Variants in DENND10 observed in about 807,000 individuals in gnomAD.
DENND10 encodes DENN domain-containing protein 10.
In DENND10, 24 loss-of-function variants were observed where a neutral mutation model predicts 43.6. The ratio of observed to expected loss-of-function variants is 0.55; its 90% confidence interval spans 0.40 to 0.77. The LOEUF is 0.77. Ranked by LOEUF, DENND10 falls within the 30% of genes least tolerant of loss-of-function variation. The probability of loss-of-function intolerance (pLI) is 0.00; values close to 1 mark genes in which losing one functional copy is unlikely to be tolerated. For synonymous variants in DENND10, 125 were observed against 157.6 expected, an observed-to-expected ratio of 0.79 and a Z score of 1.55; for missense variants, 303 against 429.9, an observed-to-expected ratio of 0.70 and a Z score of 2.61.
At position 119,117,544 on chromosome 10, in the gene DENND10, G is replaced by C. The variant is rs777784734; in HGVS notation, c.358G>C (p.Val120Leu). The C allele has an allele frequency of 6.2e-7, 1 of 1,611,260 alleles. No homozygotes were observed. The highest frequency in any genetic ancestry group is 1.7e-5 in the Admixed American group (1 of 59,740). ...AATGTACCTGAAACATGGGAGCCCAGTTAAAATGATGGAGAGTTATATTGC... is the reference window on the plus strand; with the variant it reads ...AATGTACCTGAAACATGGGAGCCCACTTAAAATGATGGAGAGTTATATTGC... ...CRMYLKHGSP[V>L]KMMESYIAVL... is the part of the protein sequence containing the mutation. Residue 120 changes from valine to leucine, a missense_variant, in exon 4 of 9, where the codon GTT (valine) becomes CTT (leucine). Coordinates refer to ENST00000361432, the MANE Select transcript of DENND10 (RefSeq NM_207009.4).
At chr10:119,123,443 C>G in intron 5 of DENND10, 26 bp from the exon 6 acceptor site, 2 of 1,575,442 alleles carry the variant, frequency 1.3e-6, no homozygotes, top group Non-Finnish European at 1.7e-6. Context: ...CCAGCAACAA[C>G]TTGAGTTCTT....
At chr10:119,125,501 C>CTTTTT (rs34630434) in intron 6 of DENND10, among the ~76,000 whole-genome samples, 713 of 65,808 alleles carry the variant, frequency 0.011, 3 homozygotes, top group Middle Eastern at 0.023. Context: ...TTCTAGTTTT[C>CTTTTT]TTTTTTTTTT....
rs58624939 is a variant in DENND10 at position 119,115,526 on chromosome 10, G to A, written c.333-1993G>A. Among the ~76,000 whole-genome samples the A allele has an allele frequency of 8.2e-5, 8 of 97,260 alleles. 1 individual carries two copies. Among genetic ancestry groups the A allele is most frequent in the African/African-American group, 2.8e-4 (8 of 28,774 alleles). 63.8% of individuals were successfully genotyped at this position (97,260 alleles called of 152,430 possible). A position where few individuals can be genotyped will look rare whatever the true frequency, so the allele number is the denominator to read the frequency against. On this transcript the variant is annotated intron_variant, in intron 3 of 8. Coordinates refer to ENST00000361432, the MANE Select transcript of DENND10 (RefSeq NM_207009.4). ...CCTCAGCCTCCCAAGTAGCTGGGACGACAGGCGCCCGCCACTACGCCCGGC... is the reference window on the plus strand; with the variant it reads ...CCTCAGCCTCCCAAGTAGCTGGGACAACAGGCGCCCGCCACTACGCCCGGC...
chr10:119,123,605 CTTTTTTTT>C, intron 6 of DENND10, 36 bp downstream of exon 6: 1 of 1,033,600 alleles, frequency 9.7e-7, no homozygotes. Flanking sequence ...AACTGTTTCA[CTTTTTTTT>C]TTTTTTTTTT....
chr10:119,132,489 A>C lies in DENND10; in HGVS notation c.803-26A>C. The C allele has an allele frequency of 6.4e-7, 1 of 1,569,702 alleles. No individual in the cohort carries two copies. The highest frequency in any genetic ancestry group is 8.8e-7 in the Non-Finnish European group (1 of 1,140,652). On this transcript the variant is annotated intron_variant, in intron 7 of 8. Transcript: ENST00000361432. The surrounding 1 kb of genome is among the most constrained non-coding windows in gnomAD (Gnocchi z 4.2). ...TGATTATTTTTTATGTCGATTTCTA[A>C]ATATTCACCTTCTTGATCTCACCAG...
At chr10:119,122,978 T>G (rs1459051968) in intron 5 of DENND10, among the ~76,000 whole-genome samples, 2 of 152,124 alleles carry the variant, frequency 1.3e-5, no homozygotes, top group African/African-American at 2.4e-5. Context: ...TTTAAAACAT[T>G]GCAGAGAGGC....
intron 8 of DENND10, among the ~76,000 whole-genome samples, chr10:119,135,582 A>G (rs995431283): frequency 1.3e-5 from 2 of 152,066 alleles, no homozygotes; most frequent in Non-Finnish European, 2.9e-5. Context: ...TTCCACTTAT[A>G]TGAGCTATCT....
In DENND10 at chr10:119,132,631, T is replaced by G; in HGVS notation, c.897+22T>G. The G allele has an allele frequency of 6.3e-7, 1 of 1,585,336 alleles. No homozygotes were observed. The highest frequency in any genetic ancestry group is 2.2e-5 in the East Asian group (1 of 44,738). On this transcript the variant is annotated intron_variant, in intron 8 of 8. Transcript: ENST00000361432. This position sits in a 1 kb window ranked among gnomAD's most constrained non-coding sequence, Gnocchi z 4.2. ...ACAGGTAACTCCCTCACCTTCTGAC[T>G]TACTGAAAGTCCTGACCCGGTGTCG...
intron 3 of DENND10, among the ~76,000 whole-genome samples, chr10:119,115,128 T>C (rs1171645574): frequency 6.6e-6 from 1 of 152,052 alleles, no homozygotes; most frequent in Non-Finnish European, 1.5e-5. Flanking sequence ...ATAAAGCACA[T>C]TTAGAAACAC....
intron 6 of DENND10, among the ~76,000 whole-genome samples, chr10:119,125,850 A>G (rs1845804601): frequency 6.6e-6 from 1 of 152,088 alleles, no homozygotes; most frequent in Non-Finnish European, 1.5e-5. Context: ...ACAATAAACT[A>G]TCATTCACTG....
intron 5 of DENND10, among the ~76,000 whole-genome samples, 176 bp from the exon 6 acceptor site, chr10:119,123,293 A>G (rs796859641): frequency 2.0e-5 from 3 of 152,290 alleles, no homozygotes; most frequent in African/African-American, 7.2e-5. Flanking sequence ...AAAACATTGC[A>G]TTGCTTTAAT....
chr10:119,120,297 C>T (rs369417979), intron 4 of DENND10, 44 bp from the exon 5 acceptor site: 1 of 1,132,672 alleles, frequency 8.8e-7, no homozygotes, highest in Admixed American at 2.1e-5. Flanking sequence ...TATTTCTTTG[C>T]ATGATGTGTA....
At chr10:119,110,554 T>C (rs1335928477) in intron 2 of DENND10, among the ~76,000 whole-genome samples, 1 of 151,866 alleles carries the variant, frequency 6.6e-6, no homozygotes, top group Non-Finnish European at 1.5e-5. Context: ...GCCTCCTGGG[T>C]TCAAGCAATT....
intron 4 of DENND10, among the ~76,000 whole-genome samples, chr10:119,118,400 A>G (rs1845399402): frequency 6.6e-6 from 1 of 152,196 alleles, no homozygotes; most frequent in Non-Finnish European, 1.5e-5. Context: ...GGCCTTGACC[A>G]CAAACTCCTA....
At chr10:119,114,567 A>C (rs10787917) in intron 3 of DENND10, 142,411 of 152,206 alleles carry the variant, frequency 0.94, 67,148 homozygotes, top group Non-Finnish European at 0.99. Flanking sequence ...AGTCAGCTGT[A>C]CAGGCCTCGA....
At chr10:119,126,001 C>T (rs188088414) in intron 6 of DENND10, among the ~76,000 whole-genome samples, 43 of 152,234 alleles carry the variant, frequency 2.8e-4, no homozygotes, top group Non-Finnish European at 2.6e-4. Flanking sequence ...CTCTATCTCC[C>T]TGAGTTCCAT....
chr10:119,124,388 A>AT (rs1229631639), intron 6 of DENND10, among the ~76,000 whole-genome samples: 34 of 149,242 alleles, frequency 2.3e-4, no homozygotes, highest in Admixed American at 1.3e-3. Flanking sequence ...AAAAAAAAAA[A>AT]AAATTAGCCG....
chr10:119,128,249 G>T (rs930141666), intron 6 of DENND10, among the ~76,000 whole-genome samples: 1 of 151,852 alleles, frequency 6.6e-6, no homozygotes, highest in Non-Finnish European at 1.5e-5. Flanking sequence ...GGAGGTGAAG[G>T]TTGCAGTAAG....
At chr10:119,127,439 T>C (rs1257932023) in intron 6 of DENND10, among the ~76,000 whole-genome samples, 1 of 151,884 alleles carries the variant, frequency 6.6e-6, no homozygotes, top group Non-Finnish European at 1.5e-5. Flanking sequence ...CAGTAGTAGG[T>C]TTTGTTTTTG....
Sources: gnomAD v4.1 joint callset for allele counts (sites outside exome capture counted in the v4.1 genomes callset) on GRCh38, gnomAD v4.1.1 for gene constraint, Gnocchi (gnomAD v3.1) non-coding constraint, MANE v1.5 for transcripts, NCBI Gene and HGNC (gene_info 2026-07-23, HGNC 2026-07-21) for gene names.